Variants in ABCF3 observed in about 807,000 individuals in gnomAD.
ABCF3 encodes the protein ATP binding cassette subfamily F member 3.
Under a neutral mutation model 94.3 loss-of-function variants are expected in ABCF3, and 62 were observed. That is an observed-to-expected ratio of 0.66 (90% confidence interval 0.54 to 0.81). The LOEUF (loss-of-function observed/expected upper bound fraction) is 0.81, where lower values mean the gene tolerates loss of function less well. ABCF3 is among the 40% of genes least tolerant of loss of function. ABCF3 has a pLI of 0.00. For missense variants in ABCF3, 843 were observed against 925.3 expected (o/e 0.91, Z 1.15); for synonymous variants, 355 against 361.1 (o/e 0.98, Z 0.19).
At chr3:184,188,727 T>C (rs843345) in intron 7 of ABCF3, 34 bp from the exon 8 acceptor site, 839,162 of 1,608,244 alleles carry the variant, frequency 0.52, 220,254 homozygotes, top group East Asian at 0.64. Flanking sequence ...AGACTGCCCC[T>C]GCTTAGGCCA....
rs544376250 is a variant in ABCF3, at chr3:184,192,702, C to T, written c.1658+13C>T. On this transcript the variant is annotated intron_variant, in intron 17 of 20. Transcript: ENST00000429586. The stretch of plus-strand genomic sequence containing the variant: ...GACACGCTCACAGGTCAGGCCCACC[C>T]GCACCCCTGCCCCCATGAGCACATT... 2.2e-5 allele frequency: 36 copies of T among 1,609,744 alleles called. 1 individual carries two copies. In the South Asian group the frequency reaches 2.4e-4, roughly 11 times the overall value.
At chr3:184,192,176 C>T (rs907829553) in intron 16 of ABCF3, among the ~76,000 whole-genome samples, 1 of 152,128 alleles carries the variant, frequency 6.6e-6, no homozygotes, top group African/African-American at 2.4e-5. Flanking sequence ...CATAATTGTA[C>T]ATATTTATGG....
At position 184,188,564 on chromosome 3, in the gene ABCF3, G is replaced by A. The variant is rs1038172659; in HGVS notation, c.836+157G>A. On this transcript the variant is annotated intron_variant, in intron 7 of 20. Coordinates refer to ENST00000429586, the MANE Select transcript of ABCF3 (RefSeq NM_018358.3). ...CAGAAGCCCTTGTTCTTTCCACAGT[G>A]CCCATTGCCCTTTCTTGTTCTTTCC... The A allele has an allele frequency of 3.9e-5, 43 of 1,098,264 alleles. No individual in the cohort carries two copies. The African/African-American group carries it at 6.5e-4, about 17-fold the overall frequency. The allele number at this position is 1,098,264 out of a possible 1,614,324, so 68.0% of individuals were successfully genotyped here. A position where few individuals can be genotyped will look rare whatever the true frequency, so the allele number is the denominator to read the frequency against.
chr3:184,187,975 T>A lies in ABCF3; in HGVS notation c.561T>A (p.Phe187Leu). The change falls in exon 6 of 21, where the codon TTT becomes TTA. Residue 187 changes from phenylalanine (F) to leucine (L), a missense_variant. Physicochemically the swap from Phe to Leu is conservative, Grantham distance 22. Transcript: ENST00000429586. ...GAATTGAGAACTTTGATGTGTCTTT[T>A]GGCGATAGGTGAGGGAATAGTGGTG... The part of the protein sequence containing the change: ...DVRIENFDVS[F>L]GDRVLLAGAD... 6.2e-7 allele frequency: 1 copy of A among 1,613,994 alleles called. No homozygotes were observed. Among genetic ancestry groups the A allele is most frequent in the Non-Finnish European group, 8.5e-7 (1 of 1,180,050 alleles).
rs532627156 is a variant in ABCF3, at chr3:184,188,182, G to A, written c.611G>A (p.Arg204His). ...AGADVNLAWG[R>H]RYGLVGRNGL... ...GCGGATGTGAACCTGGCATGGGGCC[G>A]CCGTTACGGGCTGGTGGGGCGGAAT... Residue 204 changes from arginine (R) to histidine (H), a missense_variant, in exon 7 of 21, where the codon CGC (arginine) becomes CAC (histidine). Coordinates refer to ENST00000429586, the MANE Select transcript of ABCF3 (RefSeq NM_018358.3). 9.3e-6 allele frequency: 15 copies of A among 1,613,984 alleles called. No individual in the cohort carries two copies. In the East Asian group the frequency reaches 2.7e-4, roughly 29 times the overall value.
rs775382149 is a variant in ABCF3 at position 184,186,278 on chromosome 3, C to G, written c.71C>G (p.Thr24Ser). The G allele has an allele frequency of 7.4e-6, 12 of 1,614,208 alleles. No individual in the cohort carries two copies. The highest frequency in any genetic ancestry group is 1.0e-5 in the Non-Finnish European group (12 of 1,180,038). Reference sequence around the variant, plus strand: ...GACGGACAAGTCTTCGACTACGTGACCGGTAAGCAGAACTGAATCGGCCGG... The same window carrying G: ...GACGGACAAGTCTTCGACTACGTGAGCGGTAAGCAGAACTGAATCGGCCGG... ...EIDGQVFDYV[T>S]GVLHSGSADF... Residue 24 changes from threonine to serine, a missense_variant and splice_region_variant, in exon 1 of 21, where the codon ACC becomes AGC. Coordinates refer to ENST00000429586, the MANE Select transcript of ABCF3 (RefSeq NM_018358.3).
chr3:184,189,964 C>T (rs761905675), intron 14 of ABCF3, 33 bp downstream of exon 14: 2 of 1,610,528 alleles, frequency 1.2e-6, no homozygotes, highest in South Asian at 2.2e-5. Context: ...GGGCCTGACT[C>T]CTGTTCTCTT....
intron 7 of ABCF3, 144 bp downstream of exon 7, chr3:184,188,551 T>C: frequency 8.4e-7 from 1 of 1,190,124 alleles, no homozygotes; most frequent in Non-Finnish European, 1.2e-6. Flanking sequence ...GAAGCCCTTG[T>C]TCTTTCCACA....
In ABCF3 at chr3:184,192,842, G is replaced by A. The variant is rs1228538846; in HGVS notation, c.1696G>A (p.Glu566Lys). 1 of 1,614,200 alleles carries A rather than the reference G, an allele frequency of 6.2e-7. No homozygotes were observed. The highest frequency in any genetic ancestry group is 1.7e-5 in the Admixed American group (1 of 60,020). The stretch of plus-strand genomic sequence containing the variant: ...TGGCTATTTCAGCCAGCACCATGTG[G>A]AGCAGCTGGACCTAAACGTCAGTGC... Reference protein sequence around the residue: ...KIGYFSQHHVEQLDLNVSAVE... With the variant: ...KIGYFSQHHVKQLDLNVSAVE... Residue 566 changes from glutamate (E) to lysine (K), a missense_variant, in exon 18 of 21, where the codon GAG becomes AAG. Physicochemically the swap from Glu to Lys is moderately conservative, Grantham distance 56. Coordinates refer to ENST00000429586, the MANE Select transcript of ABCF3 (RefSeq NM_018358.3).
chr3:184,192,776 T>A (rs1426332870), intron 17 of ABCF3, 29 bp from the exon 18 acceptor site: 1 of 1,613,426 alleles, frequency 6.2e-7, no homozygotes, highest in Admixed American at 1.7e-5. Context: ...TGCCTTTGTC[T>A]GTTTTTCCAC....
intron 14 of ABCF3, chr3:184,190,700 A>G (rs1715964566): frequency 3.0e-6 from 1 of 336,474 alleles, no homozygotes; most frequent in South Asian, 3.2e-5. Flanking sequence ...GATAATGTGC[A>G]TTGGGAGTTT....
intron 4 of ABCF3, 86 bp downstream of exon 4, chr3:184,187,529 C>G: frequency 6.5e-7 from 1 of 1,543,874 alleles, no homozygotes; most frequent in South Asian, 1.1e-5. Flanking sequence ...GGGGGGATTT[C>G]TGACTATGTC....
rs762360770 is a variant in ABCF3, at chr3:184,187,389, G to A, written c.302-8G>A. ...GGAGAAGGTGACTGCTTTTCTTATC[G>A]CTTACAGACTGTGGAACCAAACTTC... On this transcript the variant is annotated splice_region_variant and splice_polypyrimidine_tract_variant and intron_variant, in intron 3 of 20. Transcript: ENST00000429586. The A allele has an allele frequency of 3.1e-6, 5 of 1,613,614 alleles. No individual in the cohort carries two copies. The African/African-American group carries it at 4.0e-5, about 13-fold the overall frequency.
In ABCF3 at chr3:184,188,930, G is replaced by A. The variant is rs749046605; in HGVS notation, c.919G>A (p.Ala307Thr). 3.1e-6 allele frequency: 5 copies of A among 1,614,150 alleles called. No individual in the cohort carries two copies. The highest frequency in any genetic ancestry group is 4.5e-5 in the East Asian group (2 of 44,882). The stretch of plus-strand genomic sequence containing the variant: ...GTTCTTCGATTTCTTCTCTACTAGG[G>A]CATCAGTCATTCTCGCTGGGCTTGG... The part of the protein sequence containing the change: ...EIEADKAPAR[A>T]SVILAGLGFT... The change falls in exon 9 of 21, where the codon GCA (alanine) becomes ACA (threonine). Residue 307 changes from alanine (A) to threonine (T), a missense_variant and splice_region_variant. Transcript: ENST00000429586.
intron 5 of ABCF3, 42 bp from the exon 6 acceptor site, chr3:184,187,819 G>A (rs1253378789): frequency 1.2e-6 from 2 of 1,614,122 alleles, no homozygotes; most frequent in Non-Finnish European, 1.7e-6. Flanking sequence ...TGGACAGAAG[G>A]TGGTGGGGAG....
At chr3:184,192,548 T>C (rs1353083615) in intron 16 of ABCF3, 53 bp from the exon 17 acceptor site, 2 of 1,512,252 alleles carry the variant, frequency 1.3e-6, no homozygotes, top group Non-Finnish European at 1.8e-6. Flanking sequence ...AATGAGAACA[T>C]ACCGTATTTA....
At position 184,193,239 on chromosome 3, in the gene ABCF3, G is replaced by A; in HGVS notation, c.1883+5G>A. ...TGCTCAGATGACTATGCCCTGGTGA[G>A]GCCTCATTTTCCAGAGCTCTTCCCC... is the stretch of plus-strand genomic sequence containing the variant. On this transcript the variant is annotated splice_donor_5th_base_variant and intron_variant, in intron 19 of 20. Coordinates refer to ENST00000429586, the MANE Select transcript of ABCF3 (RefSeq NM_018358.3). This position sits in a 1 kb window ranked among gnomAD's most constrained non-coding sequence, Gnocchi z 5.2. The A allele has an allele frequency of 6.4e-7, 1 of 1,572,776 alleles. No individual in the cohort carries two copies. Among genetic ancestry groups the A allele is most frequent in the Non-Finnish European group, 8.6e-7 (1 of 1,159,850 alleles).
In ABCF3 at chr3:184,193,219, A is replaced by C; in HGVS notation, c.1868A>C (p.Gln623Pro). Residue 623 changes from glutamine (Q) to proline (P), a missense_variant, in exon 19 of 21, where the codon CAG (glutamine) becomes CCG (proline). Transcript: ENST00000429586. The surrounding 1 kb of genome is among the most constrained non-coding windows in gnomAD (Gnocchi z 5.2). ...CAGAAGAGCCGAGTGGCCTTTGCTC[A>C]GATGACTATGCCCTGGTGAGGCCTC... ...GGQKSRVAFA[Q>P]MTMPCPNFYI... is the part of the protein sequence containing the mutation. 6.4e-7 allele frequency: 1 copy of C among 1,565,194 alleles called. No homozygotes were observed. The highest frequency in any genetic ancestry group is 2.2e-5 in the East Asian group (1 of 44,578).
Position 184,188,748 on chromosome 3 carries a change from C to T in ABCF3, c.837-13C>T. On this transcript the variant is annotated splice_polypyrimidine_tract_variant and intron_variant, in intron 7 of 20. Transcript: ENST00000429586. ...CCCCTGCTTAGGCCAATTGCTGTTT[C>T]TCCTCCCTCCAGGGCGGAGGGCTCT... The T allele has an allele frequency of 1.2e-6, 2 of 1,613,610 alleles. No homozygotes were observed. The highest frequency in any genetic ancestry group is 1.7e-6 in the Non-Finnish European group (2 of 1,179,682).
Sources: allele counts gnomAD v4.1 joint callset (sites outside exome capture counted in the v4.1 genomes callset), GRCh38; gene constraint gnomAD v4.1.1; non-coding constraint Gnocchi (gnomAD v3.1); transcripts MANE v1.5; gene names NCBI Gene and HGNC (gene_info 2026-07-23, HGNC 2026-07-21).